EXOC4: variants seen among roughly 807,000 people sequenced by gnomAD.
The protein encoded by EXOC4 is SEC8-like 1.
Under a neutral mutation model 107.2 loss-of-function variants are expected in EXOC4, and 71 were observed. The observed-to-expected ratio is 0.66, with a 90% CI of 0.55 to 0.81. EXOC4 has a LOEUF of 0.81. EXOC4 is among the 30% of genes least tolerant of loss of function. The pLI is 0.00. For missense variants in EXOC4, 1,108 were observed against 1,189.6 expected (o/e 0.93, Z 1.01); for synonymous variants, 456 against 441.2 (o/e 1.03, Z -0.42).
At chr7:133,647,055 G>T (rs1803010505) in intron 10 of EXOC4, among the ~76,000 whole-genome samples, 1 of 152,136 alleles carries the variant, frequency 6.6e-6, no homozygotes, top group Non-Finnish European at 1.5e-5. Flanking sequence ...CAGTCCTAAT[G>T]ATTTTGCTTG....
At chr7:133,553,274 T>C (rs1238159153) in intron 9 of EXOC4, among the ~76,000 whole-genome samples, 1 of 152,224 alleles carries the variant, frequency 6.6e-6, no homozygotes, top group Non-Finnish European at 1.5e-5. Flanking sequence ...CTGCCCCAAC[T>C]AATTCAGGCC....
chr7:133,899,391 G>A (rs1456067744), intron 12 of EXOC4, among the ~76,000 whole-genome samples: 1 of 152,322 alleles, frequency 6.6e-6, no homozygotes, highest in East Asian at 1.9e-4. Context: ...CTCTCAAGAT[G>A]TCAAGTGGCT....
rs1006300234 is a variant in EXOC4 at position 133,898,768 on chromosome 7, A to G, written c.1871+3033A>G. ...CTCAAAAAAAAAAAAAAAAAAAAAAAAGAGTTCGAGACCAGCCTGGCCAAC... is the reference window on the plus strand; with the variant it reads ...CTCAAAAAAAAAAAAAAAAAAAAAAGAGAGTTCGAGACCAGCCTGGCCAAC... On this transcript the variant is annotated intron_variant, in intron 12 of 17. Transcript: ENST00000253861. 8.0e-4 allele frequency among the ~76,000 whole-genome samples: 110 copies of G among 137,012 alleles called. 1 individual carries two copies. The highest frequency in any genetic ancestry group is 6.7e-4 in the Non-Finnish European group (43 of 64,030). 89.9% of individuals were successfully genotyped at this position (137,012 alleles called of 152,430 possible). A position where few individuals can be genotyped will look rare whatever the true frequency, so the allele number is the denominator to read the frequency against.
intron 9 of EXOC4, among the ~76,000 whole-genome samples, chr7:133,578,960 T>C (rs1801192568): frequency 6.6e-6 from 1 of 152,198 alleles, no homozygotes; most frequent in African/African-American, 2.4e-5. Flanking sequence ...TTGTGCTCGG[T>C]AGCTCTTGTT....
At chr7:133,833,756 G>A (rs1797860171) in intron 11 of EXOC4, among the ~76,000 whole-genome samples, 1 of 152,100 alleles carries the variant, frequency 6.6e-6, no homozygotes, top group Admixed American at 6.6e-5. Context: ...GTAGAGACAG[G>A]GTTTTGCCAT....
chr7:133,857,296 T>C (rs868532755), intron 11 of EXOC4, among the ~76,000 whole-genome samples: 13 of 30,988 alleles, frequency 4.2e-4, no homozygotes, highest in African/African-American at 8.6e-4. Context: ...TATATATATA[T>C]ACACGTATAT....
chr7:133,865,016 G>T (rs1472531494), intron 11 of EXOC4, among the ~76,000 whole-genome samples: 1 of 151,824 alleles, frequency 6.6e-6, no homozygotes. Context: ...TTAGGAATTG[G>T]GATTTTATTT....
At chr7:133,829,692 C>A (rs993876910) in intron 11 of EXOC4, among the ~76,000 whole-genome samples, 1 of 152,234 alleles carries the variant, frequency 6.6e-6, no homozygotes, top group Non-Finnish European at 1.5e-5. Context: ...AAATGGGGTT[C>A]ATCCTCACCT....
intron 7 of EXOC4, among the ~76,000 whole-genome samples, chr7:133,414,420 A>G (rs1012568305): frequency 6.6e-6 from 1 of 152,186 alleles, no homozygotes; most frequent in Non-Finnish European, 1.5e-5. Context: ...TATCTGGTAA[A>G]GTTGAAGATG....
chr7:133,363,236 T>G (rs1385049238), intron 6 of EXOC4, among the ~76,000 whole-genome samples: 1 of 152,180 alleles, frequency 6.6e-6, no homozygotes, highest in Non-Finnish European at 1.5e-5. Context: ...ATTCTTCAAC[T>G]AGGATATGTC....
intron 10 of EXOC4, among the ~76,000 whole-genome samples, chr7:133,761,144 G>A (rs1796024017): frequency 6.6e-6 from 1 of 152,102 alleles, no homozygotes; most frequent in South Asian, 2.1e-4. Flanking sequence ...AGTCTTAGAG[G>A]GAGATTAGCA....
intron 6 of EXOC4, among the ~76,000 whole-genome samples, chr7:133,358,781 C>CT (rs5887621): frequency 3.3e-5 from 5 of 150,516 alleles, no homozygotes; most frequent in African/African-American, 1.2e-4. Flanking sequence ...GGAGTTTCAT[C>CT]TTTTTTTTTT....
intron 9 of EXOC4, among the ~76,000 whole-genome samples, chr7:133,617,839 T>C (rs73726936): frequency 0.023 from 3,485 of 152,256 alleles, 147 homozygotes; most frequent in African/African-American, 0.08. Context: ...AAAGTGAGAA[T>C]TGAGTTCAAA....
chr7:134,033,843 T>C (rs2116489286), intron 17 of EXOC4, among the ~76,000 whole-genome samples: 1 of 152,322 alleles, frequency 6.6e-6, no homozygotes, highest in African/African-American at 2.4e-5. Flanking sequence ...TAGCACTAAG[T>C]GCTAAGAAAT....
chr7:133,600,791 A>C (rs1195898646), intron 9 of EXOC4, among the ~76,000 whole-genome samples: 1 of 152,198 alleles, frequency 6.6e-6, no homozygotes, highest in Non-Finnish European at 1.5e-5. Flanking sequence ...TAACCGGTGC[A>C]GAGTTCTAGC....
intron 10 of EXOC4, among the ~76,000 whole-genome samples, chr7:133,674,733 A>G (rs1324806970): frequency 6.6e-6 from 1 of 152,182 alleles, no homozygotes; most frequent in African/African-American, 2.4e-5. Context: ...CTTTAATGCT[A>G]TTTATTTACT....
At chr7:133,991,403 T>G (rs1794257213) in intron 14 of EXOC4, among the ~76,000 whole-genome samples, 1 of 152,208 alleles carries the variant, frequency 6.6e-6, no homozygotes, top group Admixed American at 6.5e-5. Flanking sequence ...ATATGTTGTC[T>G]CTTCACTTTG....
chr7:133,572,804 TA>T (rs1050257120), intron 9 of EXOC4, among the ~76,000 whole-genome samples: 125 of 152,320 alleles, frequency 8.2e-4, no homozygotes, highest in African/African-American at 3.0e-3. Context: ...AGAATAGTGA[TA>T]TCTGAATATG....
At chr7:133,347,863 C>T (rs759627699) in intron 5 of EXOC4, among the ~76,000 whole-genome samples, 4 of 151,950 alleles carry the variant, frequency 2.6e-5, no homozygotes, top group South Asian at 4.2e-4. Flanking sequence ...TGAAAGTCTT[C>T]GAAACTAGGT....
Sources: allele counts gnomAD v4.1 joint callset (sites outside exome capture counted in the v4.1 genomes callset), GRCh38; gene constraint gnomAD v4.1.1; transcripts MANE v1.5; gene names NCBI Gene and HGNC (gene_info 2026-07-23, HGNC 2026-07-21).